Variants in ABCA1 observed in about 807,000 individuals in gnomAD.
ABCA1 encodes ATP binding cassette subfamily A member 1.
Under a neutral mutation model 262.5 loss-of-function variants are expected in ABCA1, and 133 were observed. That is an observed-to-expected ratio of 0.51 (90% CI 0.44 to 0.59). The LOEUF (loss-of-function observed/expected upper bound fraction) is 0.59, where lower values mean the gene tolerates loss of function less well. Among genes scored for constraint, ABCA1 ranks in the 20% least tolerant of loss-of-function variants. The pLI is 0.00. For missense variants in ABCA1, 2,452 were observed against 2,777.5 expected, an observed-to-expected ratio of 0.88 and a Z score of 2.63; for synonymous variants, 1,022 against 1,043.5, an observed-to-expected ratio of 0.98 and a Z score of 0.40.
rs1200469268 is a variant in ABCA1, at chr9:104,830,968, C to T, written c.1849G>A (p.Val617Ile). 1 of 1,613,722 alleles carries T rather than the reference C, an allele frequency of 6.2e-7. No individual in the cohort carries two copies. Among genetic ancestry groups the T allele is most frequent in the Admixed American group, 1.7e-5 (1 of 59,970 alleles). ...GGATAGGGCATCTGTTGCATATAGA[C>T]ACCAGTTTTCTTCTCGGTGCCCGTC... Reference protein sequence around the residue: ...VLTGTEKKTGVYMQQMPYPCY... With the variant: ...VLTGTEKKTGIYMQQMPYPCY... The change falls in exon 14 of 50, where the codon GTC (valine) becomes ATC (isoleucine). Residue 617 changes from valine (V) to isoleucine (I), a missense_variant. Physicochemically the swap from Val to Ile is conservative, Grantham distance 29 (BLOSUM62 3). Transcript: ENST00000374736.
At chr9:104,859,886 C>G (rs956676114) in intron 6 of ABCA1, among the ~76,000 whole-genome samples, 2 of 151,988 alleles carry the variant, frequency 1.3e-5, no homozygotes, top group African/African-American at 4.8e-5. Flanking sequence ...GAAACCCCGT[C>G]TCTACTAAAA....
chr9:104,822,476 G>A lies in ABCA1; in HGVS notation c.2828+20C>T. 1 of 1,612,560 alleles carries A rather than the reference G, an allele frequency of 6.2e-7. No homozygotes were observed. The highest frequency in any genetic ancestry group is 8.5e-7 in the Non-Finnish European group (1 of 1,179,876). On this transcript the variant is annotated intron_variant, in intron 19 of 49. Transcript: ENST00000374736. ...AACCCTCCTGTGGCTGATTCTGCGG[G>A]AACCACACCCTCTTCTTACATGGTG...
chr9:104,832,804 A>G (rs772586107), intron 11 of ABCA1, 33 bp from the exon 12 acceptor site: 1 of 1,601,624 alleles, frequency 6.2e-7, no homozygotes, highest in Non-Finnish European at 8.6e-7. Context: ...CAAGTAGTAA[A>G]CACCAACTAA....
chr9:104,903,682 T>A lies in ABCA1; in HGVS notation c.-3A>T, dbSNP rs1252720043. The A allele has an allele frequency of 1.3e-6, 2 of 1,578,018 alleles. No individual in the cohort carries two copies. The stretch of plus-strand genomic sequence containing the variant: ...CTCAGCTGAGGCCAACAAGCCATGT[T>A]CCCTCAGCCAGCACCCCCAGCGTGT... On this transcript the variant is annotated 5_prime_UTR_variant, in exon 2 of 50. Coordinates refer to ENST00000374736, the MANE Select transcript of ABCA1 (RefSeq NM_005502.4).
At chr9:104,846,401 A>T (rs573449229) in intron 7 of ABCA1, among the ~76,000 whole-genome samples, 1 of 152,332 alleles carries the variant, frequency 6.6e-6, no homozygotes, top group East Asian at 1.9e-4. Context: ...TGATGTTTCT[A>T]TGAGCATTGT....
intron 5 of ABCA1, among the ~76,000 whole-genome samples, chr9:104,881,783 G>A (rs1838677107): frequency 1.3e-5 from 2 of 152,220 alleles, no homozygotes; most frequent in South Asian, 4.1e-4. Flanking sequence ...TCTGTCTCCT[G>A]CACCAGAAGA....
intron 1 of ABCA1, among the ~76,000 whole-genome samples, chr9:104,926,734 G>T (rs1326886972): frequency 6.6e-6 from 1 of 152,208 alleles, no homozygotes; most frequent in Non-Finnish European, 1.5e-5. Context: ...GCCCGCCGGG[G>T]TTACTCCCGG....
At chr9:104,816,090 C>A (rs767813073) in intron 25 of ABCA1, 53 bp downstream of exon 25, 53 of 1,593,724 alleles carry the variant, frequency 3.3e-5, no homozygotes, top group Non-Finnish European at 4.3e-5. Context: ...ACTGGTCTGG[C>A]CTTAGGACAT....
In ABCA1 at chr9:104,825,815, C is replaced by T. The variant is rs768351345; in HGVS notation, c.2410G>A (p.Val804Met). ...FALFEEQGIG[V>M]QWDNLFESPV... The stretch of plus-strand genomic sequence containing the variant: ...CTCTCAAACAGGTTGTCCCACTGCA[C>T]TCCAATGCCCTGCTCCTCAAAAAGG... The change falls in exon 17 of 50, where the codon GTG (valine) becomes ATG (methionine). Residue 804 changes from valine to methionine, a missense_variant. Val to Met is a conservative substitution (Grantham distance 21). Coordinates refer to ENST00000374736, the MANE Select transcript of ABCA1 (RefSeq NM_005502.4). 3.1e-6 allele frequency: 5 copies of T among 1,614,234 alleles called. No individual in the cohort carries two copies. In the South Asian group the frequency reaches 4.4e-5, roughly 14 times the overall value.
intron 24 of ABCA1, 109 bp from the exon 25 acceptor site, chr9:104,816,454 C>A: frequency 9.8e-7 from 1 of 1,022,520 alleles, no homozygotes; most frequent in Non-Finnish European, 1.5e-6. Context: ...ATACACCACA[C>A]CTGTTCCAGG....
At chr9:104,894,934 G>A (rs982289185) in intron 2 of ABCA1, among the ~76,000 whole-genome samples, 1 of 152,280 alleles carries the variant, frequency 6.6e-6, no homozygotes, top group African/African-American at 2.4e-5. Context: ...AATGTTCCAG[G>A]TATTTCTTTT....
At chr9:104,859,532 G>C (rs556727048) in intron 6 of ABCA1, among the ~76,000 whole-genome samples, 8 of 152,258 alleles carry the variant, frequency 5.3e-5, no homozygotes, top group African/African-American at 1.9e-4. Flanking sequence ...GTTTAAATTG[G>C]GGCAGGCTGA....
Position 104,889,402 on chromosome 9 carries a change from G to C in ABCA1, c.67-207C>G, listed in dbSNP as rs558930303. 8.4e-4 allele frequency: 821 copies of C among 978,598 alleles called. 1 individual carries two copies. Among genetic ancestry groups the C allele is most frequent in the Non-Finnish European group, 9.2e-4 (759 of 823,798 alleles). The allele number at this position is 978,598 out of a possible 1,614,324, so 60.6% of individuals were successfully genotyped here. ...CCATATACCTCTGTGTCTTCCCTTA[G>C]GTAAGGGAAGATGCTTCCTATCGTG... On this transcript the variant is annotated intron_variant, in intron 2 of 49. Transcript: ENST00000374736.
At chr9:104,877,607 G>A (rs1838266083) in intron 5 of ABCA1, among the ~76,000 whole-genome samples, 1 of 152,290 alleles carries the variant, frequency 6.6e-6, no homozygotes, top group South Asian at 2.1e-4. Flanking sequence ...GCCAGGAACA[G>A]AAGGGGAAGC....
intron 1 of ABCA1, among the ~76,000 whole-genome samples, chr9:104,907,056 T>C (rs945363055): frequency 1.1e-4 from 16 of 152,192 alleles, no homozygotes; most frequent in African/African-American, 3.6e-4. Flanking sequence ...CACCTGAACA[T>C]AGAGTCCAGT....
At chr9:104,814,887 TG>T (rs1354210106) in intron 25 of ABCA1, among the ~76,000 whole-genome samples, 1 of 152,028 alleles carries the variant, frequency 6.6e-6, no homozygotes, top group African/African-American at 2.4e-5. Flanking sequence ...CTCAGCTACT[TG>T]GGAGGCTGAG....
rs2118960993 is a variant in ABCA1, at chr9:104,818,553, GA to G, written c.3462+109del. ...TTTCAAAGGGGCAACAGAGCAGGGA[GA>G]TGGTGGTTTCAACATGGCAAAAGGG... On this transcript the variant is annotated intron_variant, in intron 23 of 49. Coordinates refer to ENST00000374736, the MANE Select transcript of ABCA1 (RefSeq NM_005502.4). 3 of 1,020,808 alleles carry G rather than the reference GA, an allele frequency of 2.9e-6. No individual in the cohort carries two copies. In the East Asian group the frequency reaches 7.1e-5, roughly 24 times the overall value. The allele number at this position is 1,020,808 out of a possible 1,614,324, so 63.2% of individuals were successfully genotyped here.
At chr9:104,867,538 T>C (rs1178405560) in intron 5 of ABCA1, among the ~76,000 whole-genome samples, 3 of 152,216 alleles carry the variant, frequency 2.0e-5, no homozygotes, top group Non-Finnish European at 4.4e-5. Context: ...TGTGTGTATG[T>C]GTGTGCATAT....
intron 1 of ABCA1, among the ~76,000 whole-genome samples, chr9:104,926,581 T>C (rs900379613): frequency 2.0e-5 from 3 of 152,060 alleles, no homozygotes; most frequent in Non-Finnish European, 4.4e-5. Flanking sequence ...AGACACCTAG[T>C]AGAGCCGGCC....
Sources: allele counts gnomAD v4.1 joint callset (sites outside exome capture counted in the v4.1 genomes callset), GRCh38; gene constraint gnomAD v4.1.1; transcripts MANE v1.5; gene names NCBI Gene and HGNC (gene_info 2026-07-23, HGNC 2026-07-21).